Variants in COX7B2 observed in about 807,000 individuals in gnomAD.
COX7B2 encodes the protein cytochrome c oxidase subunit 7B2, mitochondrial.
For missense variants in COX7B2, 109 were observed against 95.9 expected (o/e 1.14, Z -0.57); for synonymous variants, 37 against 32.1 (o/e 1.15, Z -0.51).
At chr4:46,787,978 C>G (rs2099824590) in intron 2 of COX7B2, among the ~76,000 whole-genome samples, 1 of 152,050 alleles carries the variant, frequency 6.6e-6, no homozygotes. Context: ...GCCTCTGATC[C>G]CCAACTCCTT....
chr4:46,791,148 G>A (rs1471136106), intron 2 of COX7B2, among the ~76,000 whole-genome samples: 7 of 151,632 alleles, frequency 4.6e-5, no homozygotes, highest in African/African-American at 1.5e-4. Flanking sequence ...ACAGGCGCCC[G>A]CCACCACATC....
intron 2 of COX7B2, among the ~76,000 whole-genome samples, chr4:46,839,481 T>C (rs1715777998): frequency 6.6e-6 from 1 of 151,938 alleles, no homozygotes; most frequent in African/African-American, 2.4e-5. Context: ...CTCATTTTCA[T>C]TATTATTAAG....
At chr4:46,754,728 G>GTGTGTATATATATATATATATA (rs1333586285) in intron 2 of COX7B2, among the ~76,000 whole-genome samples, 11 of 39,866 alleles carry the variant, frequency 2.8e-4, no homozygotes, top group Admixed American at 9.1e-4. Context: ...GTGTGTGTGT[G>GTGTGTATATATATATATATATA]TATATATATA....
intron 2 of COX7B2, among the ~76,000 whole-genome samples, chr4:46,777,882 G>C (rs1386713310): frequency 1.3e-5 from 2 of 152,132 alleles, no homozygotes; most frequent in Non-Finnish European, 2.9e-5. Flanking sequence ...AAGTTAAACA[G>C]ATGGACCAAA....
intron 2 of COX7B2, among the ~76,000 whole-genome samples, chr4:46,794,997 C>A (rs1718247025): frequency 0.032 from 4,766 of 149,526 alleles, 293 homozygotes; most frequent in African/African-American, 0.1. Context: ...GGAGAGTCTT[C>A]TTTTGAGAAG....
chr4:46,738,226 A>G (rs1212971609), intron 2 of COX7B2, among the ~76,000 whole-genome samples: 4 of 152,042 alleles, frequency 2.6e-5, no homozygotes, highest in African/African-American at 9.7e-5. Context: ...TGACAAATTG[A>G]TTTCATTTTT....
chr4:46,772,383 T>C (rs1361558636), intron 2 of COX7B2, among the ~76,000 whole-genome samples: 1 of 152,124 alleles, frequency 6.6e-6, no homozygotes, highest in Admixed American at 6.6e-5. Context: ...ATGGGCAATA[T>C]AGTTAATGAT....
chr4:46,786,908 A>T (rs1201706417), intron 2 of COX7B2, among the ~76,000 whole-genome samples: 1 of 152,152 alleles, frequency 6.6e-6, no homozygotes, highest in African/African-American at 2.4e-5. Context: ...TGGGCAAAGA[A>T]CCCACCCTCC....
chr4:46,744,354 T>C (rs1406057711), intron 2 of COX7B2, among the ~76,000 whole-genome samples: 1 of 152,040 alleles, frequency 6.6e-6, no homozygotes, highest in Admixed American at 6.6e-5. Context: ...TATAAACCCT[T>C]AATTTCAGTC....
intron 1 of COX7B2, among the ~76,000 whole-genome samples, chr4:46,855,823 G>A (rs917082101): frequency 3.3e-5 from 5 of 152,096 alleles, no homozygotes; most frequent in Admixed American, 1.3e-4. Context: ...ACAGAAAACT[G>A]TTTACAATGA....
intron 1 of COX7B2, among the ~76,000 whole-genome samples, chr4:46,899,564 C>CT (rs2109891767): frequency 6.6e-6 from 1 of 152,070 alleles, no homozygotes. Flanking sequence ...GTGGTGGGTG[C>CT]TTTTTCGCCA....
chr4:46,906,592 A>G (rs532823596), intron 1 of COX7B2, among the ~76,000 whole-genome samples: 1 of 152,336 alleles, frequency 6.6e-6, no homozygotes, highest in African/African-American at 2.4e-5. Flanking sequence ...CTGGAAATGA[A>G]TACTTGACTA....
intron 1 of COX7B2, among the ~76,000 whole-genome samples, chr4:46,889,117 G>A (rs1023225472): frequency 2.6e-5 from 4 of 151,884 alleles, no homozygotes; most frequent in Admixed American, 6.6e-5. Context: ...TTATGTGTCC[G>A]CAAATTTAAA....
intron 2 of COX7B2, among the ~76,000 whole-genome samples, chr4:46,804,815 T>C: frequency 6.6e-6 from 1 of 152,236 alleles, no homozygotes; most frequent in Non-Finnish European, 1.5e-5. Context: ...CTGCCAGTCC[T>C]GTGCCGTGTG....
chr4:46,736,332 C>T (rs1344073415), intron 2 of COX7B2, among the ~76,000 whole-genome samples: 1 of 152,028 alleles, frequency 6.6e-6, no homozygotes, highest in Admixed American at 6.6e-5. Flanking sequence ...CTGACTTAAA[C>T]CAGGGCTTTA....
rs1357849161 is a variant in COX7B2, at chr4:46,773,440, T to TCTGAGGC, written c.-49-38206_-49-38200dup. 1.3e-5 allele frequency among the ~76,000 whole-genome samples: 2 copies of TCTGAGGC among 152,142 alleles called. 1 individual carries two copies. Among genetic ancestry groups the TCTGAGGC allele is most frequent in the Admixed American group, 1.3e-4 (2 of 15,268 alleles). The stretch of plus-strand genomic sequence containing the variant: ...TCCCCTTCTGCATGACTGTAAACTT[T>TCTGAGGC]CTGAGGCCCCCCCAGTCATGCTGAA... On this transcript the variant is annotated intron_variant, in intron 2 of 2. Coordinates refer to ENST00000355591, the MANE Select transcript of COX7B2 (RefSeq NM_130902.3).
chr4:46,746,833 G>A (rs1292809631), intron 2 of COX7B2, among the ~76,000 whole-genome samples: 1 of 152,070 alleles, frequency 6.6e-6, no homozygotes, highest in Non-Finnish European at 1.5e-5. Flanking sequence ...AACTTATTTT[G>A]TTTACTTAAA....
chr4:46,833,448 G>A (rs1325600493), intron 2 of COX7B2, among the ~76,000 whole-genome samples: 1 of 152,154 alleles, frequency 6.6e-6, no homozygotes, highest in Non-Finnish European at 1.5e-5. Flanking sequence ...GAACTCATAG[G>A]AAATATGACA....
intron 2 of COX7B2, among the ~76,000 whole-genome samples, chr4:46,741,390 CAGT>C (rs917062544): frequency 3.3e-5 from 5 of 152,000 alleles, no homozygotes; most frequent in African/African-American, 1.2e-4. Context: ...TAAATAACAG[CAGT>C]AGTATCCCCC....
Sources: gnomAD v4.1 joint callset for allele counts (sites outside exome capture counted in the v4.1 genomes callset) on GRCh38, gnomAD v4.1.1 for gene constraint, MANE v1.5 for transcripts, NCBI Gene and HGNC (gene_info 2026-07-23, HGNC 2026-07-21) for gene names.